RARB: variants seen among roughly 807,000 people sequenced by gnomAD.
The protein encoded by RARB is retinoic acid receptor beta, also known as HBV-activated protein.
RARB carries 17 observed loss-of-function variants against 51.9 expected under a neutral mutation model. The ratio of observed to expected loss-of-function variants is 0.33; its 90% confidence interval spans 0.22 to 0.49. RARB has a LOEUF of 0.49. Among genes scored for constraint, RARB ranks in the 20% least tolerant of loss-of-function variants. RARB has a pLI of 0.99. For synonymous variants in RARB, 215 were observed against 195.4 expected (o/e 1.10, Z -0.84); for missense variants, 369 against 550.8 (o/e 0.67, Z 3.30).
At chr3:25,342,288 A>T (rs1705252177) in intron 5 of RARB, among the ~76,000 whole-genome samples, 2 of 152,216 alleles carry the variant, frequency 1.3e-5, no homozygotes, top group Admixed American at 6.5e-5. Flanking sequence ...AACATTTTTA[A>T]TTTATAGACT....
chr3:25,491,740 A>C (rs1409726397), intron 2 of RARB, among the ~76,000 whole-genome samples: 2 of 152,164 alleles, frequency 1.3e-5, no homozygotes, highest in Non-Finnish European at 2.9e-5. Flanking sequence ...CAGGAGTTCA[A>C]GTCCATCCTG....
chr3:25,440,466 G>A (rs956975687), intron 1 of RARB, among the ~76,000 whole-genome samples: 7 of 147,258 alleles, frequency 4.8e-5, no homozygotes, highest in East Asian at 2.0e-4. Flanking sequence ...AAAAAAAAAA[G>A]AAATTTATTT....
intron 3 of RARB, among the ~76,000 whole-genome samples, chr3:25,539,183 G>C (rs930872469): frequency 2.6e-5 from 4 of 152,160 alleles, no homozygotes; most frequent in Non-Finnish European, 5.9e-5. Context: ...AGGTTTGAAA[G>C]AGACCTAAGG....
At chr3:25,190,187 G>C (rs200081927) in intron 5 of RARB, among the ~76,000 whole-genome samples, 1 of 90,700 alleles carries the variant, frequency 1.1e-5, no homozygotes, top group East Asian at 3.4e-4. Context: ...GAGACCAGTA[G>C]AAACAAATGG....
intron 5 of RARB, among the ~76,000 whole-genome samples, chr3:25,312,053 G>A (rs1247489477): frequency 6.6e-6 from 1 of 152,316 alleles, no homozygotes; most frequent in East Asian, 1.9e-4. Context: ...GGTTCTTTGG[G>A]GGAGATGAGT....
In RARB at chr3:25,356,835, A is replaced by C. The variant is rs13434206; in HGVS notation, c.179-104358A>C. Among the ~76,000 whole-genome samples the C allele has an allele frequency of 4.1e-3, 627 of 152,206 alleles. 3 individuals carry two copies. The highest frequency in any genetic ancestry group is 0.014 in the African/African-American group (591 of 41,546). ...CAGCTTCATCCATGTCCCTGCAAAG[A>C]ACATGAACTCATTCTTTTTTATGGC... On this transcript the variant is annotated intron_variant, in intron 5 of 11. Coordinates refer to the RARB transcript ENST00000383772.
chr3:24,851,693 TA>T (rs1417227235), intron 1 of RARB, among the ~76,000 whole-genome samples: 3 of 152,218 alleles, frequency 2.0e-5, no homozygotes, highest in Non-Finnish European at 4.4e-5. Flanking sequence ...GTAGAGTTAA[TA>T]AAAACCATTC....
chr3:25,413,206 T>A (rs1006376141), intron 5 of RARB, among the ~76,000 whole-genome samples: 1 of 152,208 alleles, frequency 6.6e-6, no homozygotes, highest in African/African-American at 2.4e-5. Context: ...TTTTTGAACT[T>A]CGTATGAATA....
At chr3:25,142,286 A>G (rs1236952624) in intron 4 of RARB, among the ~76,000 whole-genome samples, 1 of 152,166 alleles carries the variant, frequency 6.6e-6, no homozygotes, top group East Asian at 1.9e-4. Flanking sequence ...GTTAACCTAG[A>G]TCGTGCCACT....
intron 2 of RARB, among the ~76,000 whole-genome samples, chr3:24,987,713 C>T (rs912412877): frequency 6.6e-6 from 1 of 152,172 alleles, no homozygotes; most frequent in Non-Finnish European, 1.5e-5. Context: ...TTTGACTCCA[C>T]ATACTTTTAA....
intron 3 of RARB, among the ~76,000 whole-genome samples, chr3:25,503,586 T>A (rs1378943257): frequency 6.6e-6 from 1 of 152,148 alleles, no homozygotes; most frequent in East Asian, 1.9e-4. Flanking sequence ...ATCACCTTAA[T>A]TAGATTTAAA....
intron 2 of RARB, among the ~76,000 whole-genome samples, chr3:24,932,869 T>G (rs969915335): frequency 1.3e-5 from 2 of 152,152 alleles, no homozygotes; most frequent in East Asian, 3.9e-4. Flanking sequence ...TCTATTTTAT[T>G]TATTTTCCTG....
intron 2 of RARB, among the ~76,000 whole-genome samples, chr3:24,941,877 C>T (rs550846003): frequency 3.8e-4 from 58 of 152,282 alleles, no homozygotes; most frequent in African/African-American, 1.3e-3. Flanking sequence ...AAAACTTAAG[C>T]GTAAACTTAA....
intron 3 of RARB, among the ~76,000 whole-genome samples, chr3:25,076,334 T>A (rs1359714343): frequency 6.6e-6 from 1 of 152,044 alleles, no homozygotes; most frequent in East Asian, 1.9e-4. Context: ...AGAAATGGGG[T>A]TTCACCATGT....
intron 3 of RARB, among the ~76,000 whole-genome samples, chr3:25,542,706 G>A (rs188995515): frequency 6.6e-6 from 1 of 152,312 alleles, no homozygotes; most frequent in East Asian, 1.9e-4. Context: ...GTTCCCTTGT[G>A]CAATAAGCAT....
chr3:25,499,163 T>C (rs1697178244), intron 2 of RARB, among the ~76,000 whole-genome samples: 1 of 152,210 alleles, frequency 6.6e-6, no homozygotes, highest in South Asian at 2.1e-4. Context: ...GCAATGTGTG[T>C]TACATGAGCA....
chr3:25,300,083 T>C (rs966611151), intron 5 of RARB, among the ~76,000 whole-genome samples: 4 of 152,250 alleles, frequency 2.6e-5, no homozygotes, highest in Non-Finnish European at 5.9e-5. Flanking sequence ...TAAGATATGG[T>C]TGAGGAGTAG....
At chr3:25,469,132 G>A (rs1695577387) in intron 2 of RARB, among the ~76,000 whole-genome samples, 1 of 152,196 alleles carries the variant, frequency 6.6e-6, no homozygotes, top group African/African-American at 2.4e-5. Flanking sequence ...CTGAAGAGAG[G>A]GAGGCCCTCA....
At chr3:25,487,748 T>A (rs561251367) in intron 2 of RARB, among the ~76,000 whole-genome samples, 2 of 152,336 alleles carry the variant, frequency 1.3e-5, no homozygotes, top group African/African-American at 4.8e-5. Context: ...TTCTGTTTTC[T>A]TGGCAGGATG....
Sources: allele counts gnomAD v4.1 joint callset (sites outside exome capture counted in the v4.1 genomes callset), GRCh38; gene constraint gnomAD v4.1.1; transcripts MANE v1.5; gene names NCBI Gene and HGNC (gene_info 2026-07-23, HGNC 2026-07-21).